The following RASAL2 variants were observed in gnomAD, a reference collection of about 807,000 sequenced individuals.
RASAL2 encodes the protein ras GTPase-activating protein nGAP.
In RASAL2, 58 loss-of-function variants were observed where a neutral mutation model predicts 128.9. That is an observed-to-expected ratio of 0.45 (90% CI 0.36 to 0.56). The LOEUF (loss-of-function observed/expected upper bound fraction) is 0.56. RASAL2 is among the 20% of genes least tolerant of loss of function. The pLI is 0.00. For synonymous variants in RASAL2, 561 were observed against 580.8 expected, an observed-to-expected ratio of 0.97 and a Z score of 0.49; for missense variants, 1,360 against 1,601.6, an observed-to-expected ratio of 0.85 and a Z score of 2.57.
At chr1:178,161,938 T>G (rs1318933688) in intron 1 of RASAL2, among the ~76,000 whole-genome samples, 2 of 151,558 alleles carry the variant, frequency 1.3e-5, no homozygotes, top group African/African-American at 2.4e-5. Flanking sequence ...TGTCTTTTGA[T>G]TGTTGATTTA....
intron 1 of RASAL2, among the ~76,000 whole-genome samples, chr1:178,110,751 T>A (rs988775520): frequency 3.3e-5 from 5 of 151,076 alleles, no homozygotes; most frequent in African/African-American, 1.2e-4. Flanking sequence ...TATGCCTGGC[T>A]AATTTTTTGT....
At position 178,224,921 on chromosome 1, in the gene RASAL2, A is replaced by G. The variant is rs1017344911; in HGVS notation, c.203-58643A>G. 7.9e-5 allele frequency among the ~76,000 whole-genome samples: 12 copies of G among 152,298 alleles called. No individual in the cohort carries two copies. In the South Asian group the frequency reaches 2.3e-3, roughly 29 times the overall value. On this transcript the variant is annotated intron_variant, in intron 1 of 17. Coordinates refer to ENST00000367649, the MANE Select transcript of RASAL2 (RefSeq NM_170692.4). ...TTTTAGCATTTACACTAATCCTAGAATATCTAAGAGTTAGTGCCACAACTA... is the reference window on the plus strand; with the variant it reads ...TTTTAGCATTTACACTAATCCTAGAGTATCTAAGAGTTAGTGCCACAACTA...
intron 1 of RASAL2, among the ~76,000 whole-genome samples, chr1:178,180,125 T>C (rs1662037159): frequency 6.6e-6 from 1 of 152,086 alleles, no homozygotes; most frequent in Non-Finnish European, 1.5e-5. Context: ...TTGAGATACA[T>C]AAGGTTTCAG....
chr1:178,098,153 C>T (rs549308123), intron 1 of RASAL2, among the ~76,000 whole-genome samples: 1 of 152,276 alleles, frequency 6.6e-6, no homozygotes, highest in Non-Finnish European at 1.5e-5. Context: ...CCTTGTTTAT[C>T]TTTGTATTCT....
At chr1:178,214,564 T>TG (rs1481777861) in intron 1 of RASAL2, among the ~76,000 whole-genome samples, 1 of 151,558 alleles carries the variant, frequency 6.6e-6, no homozygotes, top group African/African-American at 2.4e-5. Context: ...CTATGTATTT[T>TG]TTTTTTTTTT....
chr1:178,282,988 C>T (rs937708403), intron 1 of RASAL2, among the ~76,000 whole-genome samples: 1 of 152,138 alleles, frequency 6.6e-6, no homozygotes, highest in African/African-American at 2.4e-5. Flanking sequence ...CTTTAAGAAA[C>T]ATCATGGTAA....
At chr1:178,390,032 T>C in intron 3 of RASAL2, 68 bp from the exon 4 acceptor site, 1 of 967,672 alleles carries the variant, frequency 1.0e-6, no homozygotes, top group Non-Finnish European at 1.6e-6. Flanking sequence ...CCAGTAACTT[T>C]ACAGTTCAGT....
chr1:178,365,552 A>G (rs1414344739), intron 3 of RASAL2, among the ~76,000 whole-genome samples: 1 of 152,064 alleles, frequency 6.6e-6, no homozygotes, highest in Non-Finnish European at 1.5e-5. Context: ...GCTCACTGCA[A>G]CCTCTGCCTC....
At chr1:178,108,082 G>T (rs950086965) in intron 1 of RASAL2, among the ~76,000 whole-genome samples, 1 of 152,132 alleles carries the variant, frequency 6.6e-6, no homozygotes, top group South Asian at 2.1e-4. Context: ...AGCAATGCAC[G>T]AGGGTTCCAG....
intron 3 of RASAL2, among the ~76,000 whole-genome samples, chr1:178,320,539 G>C (rs1276051312): frequency 6.6e-6 from 1 of 152,192 alleles, no homozygotes; most frequent in African/African-American, 2.4e-5. Context: ...ATATTTGGGT[G>C]GGAGTGACCT....
chr1:178,282,335 A>C (rs1024590809), intron 1 of RASAL2, among the ~76,000 whole-genome samples: 1 of 152,204 alleles, frequency 6.6e-6, no homozygotes, highest in African/African-American at 2.4e-5. Context: ...TATTGAACAC[A>C]TAAAGGGATT....
At chr1:178,133,910 T>G (rs937179487) in intron 1 of RASAL2, among the ~76,000 whole-genome samples, 1 of 152,126 alleles carries the variant, frequency 6.6e-6, no homozygotes, top group South Asian at 2.1e-4. Flanking sequence ...CTTTTCTAAT[T>G]AATAGCTGCC....
chr1:178,199,494 C>G (rs1312686615), intron 1 of RASAL2, among the ~76,000 whole-genome samples: 1 of 152,142 alleles, frequency 6.6e-6, no homozygotes, highest in East Asian at 1.9e-4. Flanking sequence ...TAAAAAAGTT[C>G]ACAGGAACAT....
rs371220937 is a variant in RASAL2, at chr1:178,205,211, G to A, written c.203-78353G>A. ...GTAGAGACTGGGTTTCACCATGTTGGCCAGGCTGGTCTTGAGCTCCTGACC... is the reference window on the plus strand; with the variant it reads ...GTAGAGACTGGGTTTCACCATGTTGACCAGGCTGGTCTTGAGCTCCTGACC... On this transcript the variant is annotated intron_variant, in intron 1 of 17. Coordinates refer to ENST00000367649, the MANE Select transcript of RASAL2 (RefSeq NM_170692.4). Among the ~76,000 whole-genome samples the A allele has an allele frequency of 3.6e-3, 542 of 152,100 alleles. 2 individuals are homozygous for A. The highest frequency in any genetic ancestry group is 8.5e-3 in the South Asian group (41 of 4,812).
intron 1 of RASAL2, among the ~76,000 whole-genome samples, chr1:178,130,606 T>C (rs1241018313): frequency 6.6e-6 from 1 of 152,240 alleles, no homozygotes; most frequent in Non-Finnish European, 1.5e-5. Flanking sequence ...ATGTAACGTC[T>C]AGTATCTTAG....
chr1:178,313,424 G>A (rs758573576), intron 3 of RASAL2, among the ~76,000 whole-genome samples: 2 of 152,186 alleles, frequency 1.3e-5, no homozygotes, highest in African/African-American at 2.4e-5. Flanking sequence ...GTTAAAAGAG[G>A]AGGGCTGGGT....
intron 3 of RASAL2, among the ~76,000 whole-genome samples, chr1:178,310,627 C>T (rs182615417): frequency 6.6e-6 from 1 of 152,144 alleles, no homozygotes; most frequent in East Asian, 1.9e-4. Flanking sequence ...AGTTGAGGTG[C>T]GAGACCACAA....
intron 3 of RASAL2, among the ~76,000 whole-genome samples, chr1:178,308,015 C>G (rs1268000479): frequency 1.3e-5 from 2 of 152,062 alleles, no homozygotes; most frequent in African/African-American, 4.8e-5. Context: ...TTTACTAACT[C>G]AAGGCTGCAG....
At chr1:178,471,664 G>A (rs1648286060) in intron 17 of RASAL2, among the ~76,000 whole-genome samples, 1 of 152,014 alleles carries the variant, frequency 6.6e-6, no homozygotes, top group Admixed American at 6.6e-5. Context: ...CAGCACTGCT[G>A]CCTTACGGAT....
Sources: allele counts gnomAD v4.1 joint callset (sites outside exome capture counted in the v4.1 genomes callset), GRCh38; gene constraint gnomAD v4.1.1; transcripts MANE v1.5; gene names NCBI Gene and HGNC (gene_info 2026-07-23, HGNC 2026-07-21).